ACER1: variants seen among roughly 807,000 people sequenced by gnomAD.
The protein encoded by ACER1 is CTB-180A7.3.
ACER1 carries 28 observed loss-of-function variants against 24.9 expected under a neutral mutation model. The ratio of observed to expected loss-of-function variants is 1.13; its 90% CI spans 0.83 to 1.54. ACER1 has a LOEUF of 1.54. Among genes scored for constraint, ACER1 ranks in the 40% most tolerant of loss-of-function variants. The probability of loss-of-function intolerance (pLI) is 0.00; values close to 1 mark genes in which losing one functional copy is unlikely to be tolerated. For missense variants in ACER1, 352 were observed against 349.3 expected, an observed-to-expected ratio of 1.01 and a Z score of -0.06; for synonymous variants, 132 against 131.4, an observed-to-expected ratio of 1.00 and a Z score of -0.03.
chr19:6,307,938 A>T lies in ACER1; in HGVS notation c.489-648T>A, dbSNP rs531342192. On this transcript the variant is annotated intron_variant, in intron 4 of 5. Transcript: ENST00000301452. ...TCTGACTCTACTAAAAATACAAAAA[A>T]AAAATTAGCCGGCCATGGTGGTGGC... Among the ~76,000 whole-genome samples the T allele has an allele frequency of 4.0e-5, 6 of 149,946 alleles. 1 individual carries two copies. The East Asian group carries it at 1.0e-3, about 25-fold the overall frequency.
intron 4 of ACER1, among the ~76,000 whole-genome samples, 169 bp downstream of exon 4, chr19:6,309,528 A>G (rs572042675): frequency 6.6e-6 from 1 of 152,164 alleles, no homozygotes; most frequent in East Asian, 1.9e-4. Flanking sequence ...TCTCAAGAAA[A>G]AAAATAATAA....
At chr19:6,341,267 G>A in the ACER1 span, among the ~76,000 whole-genome samples, 2 of 147,284 alleles carry the variant, frequency 1.4e-5, no homozygotes, top group Non-Finnish European at 3.0e-5. Flanking sequence ...CCAAGATTTC[G>A]CCACTGCAAA....
chr19:6,330,004 G>A (rs1479100175), intron 1 of ACER1, among the ~76,000 whole-genome samples: 3 of 151,052 alleles, frequency 2.0e-5, no homozygotes, highest in African/African-American at 2.4e-5. Context: ...CCGAGTAGCT[G>A]GGACCACAGG....
the ACER1 span, among the ~76,000 whole-genome samples, chr19:6,339,362 C>G: frequency 6.6e-6 from 1 of 151,908 alleles, no homozygotes; most frequent in Non-Finnish European, 1.5e-5. Context: ...ATAAGCCAGA[C>G]ATAAAAGGAC....
intron 1 of ACER1, among the ~76,000 whole-genome samples, chr19:6,329,034 G>C (rs1254689380): frequency 6.6e-6 from 1 of 151,912 alleles, no homozygotes; most frequent in East Asian, 1.9e-4. Context: ...TGTGGTTCCA[G>C]CTACTTTGAA....
the ACER1 span, among the ~76,000 whole-genome samples, chr19:6,357,217 T>A: frequency 1.3e-5 from 2 of 151,984 alleles, no homozygotes; most frequent in African/African-American, 4.8e-5. Context: ...TGGCTAATTT[T>A]TGTATTTTTA....
chr19:6,320,070 T>C (rs1281048790), intron 1 of ACER1, among the ~76,000 whole-genome samples: 1 of 135,000 alleles, frequency 7.4e-6, no homozygotes, highest in Non-Finnish European at 1.5e-5. Context: ...ACCATTGCAC[T>C]CCAACCCCTG....
At chr19:6,358,704 C>G in the ACER1 span, among the ~76,000 whole-genome samples, 5 of 151,168 alleles carry the variant, frequency 3.3e-5, no homozygotes, top group East Asian at 9.7e-4. Flanking sequence ...GAGGCTGAGG[C>G]GGGTGGATCA....
chr19:6,324,057 T>A (rs1374765096), intron 1 of ACER1, among the ~76,000 whole-genome samples: 1 of 152,140 alleles, frequency 6.6e-6, no homozygotes, highest in Non-Finnish European at 1.5e-5. Context: ...TTTATTTTTA[T>A]TTTTTGAGAC....
chr19:6,339,866 C>T, the ACER1 span, among the ~76,000 whole-genome samples: 2 of 151,940 alleles, frequency 1.3e-5, no homozygotes, highest in African/African-American at 2.4e-5. Context: ...GGGGTTTCAC[C>T]GTGTTAGCCA....
chr19:6,310,118 C>T (rs1006273045), intron 3 of ACER1, among the ~76,000 whole-genome samples: 5 of 151,672 alleles, frequency 3.3e-5, no homozygotes, highest in Middle Eastern at 3.4e-3. Context: ...GACGGAGTCT[C>T]GCTCTGTCGC....
At chr19:6,335,053 T>C (rs1282073010), upstream of ACER1, among the ~76,000 whole-genome samples, 1 of 146,864 alleles carries the variant, frequency 6.8e-6, no homozygotes. Context: ...CAATATTATA[T>C]TAAAATATAA....
intron 1 of ACER1, among the ~76,000 whole-genome samples, chr19:6,332,318 T>C (rs2091691774): frequency 1.4e-5 from 2 of 142,846 alleles, no homozygotes; most frequent in Admixed American, 7.3e-5. Context: ...TCACCCAGGC[T>C]GGAGTGCAGT....
intron 1 of ACER1, among the ~76,000 whole-genome samples, chr19:6,315,473 G>A (rs1158302441): frequency 2.0e-5 from 3 of 151,904 alleles, no homozygotes; most frequent in Non-Finnish European, 2.9e-5. Context: ...TCCGCCTCCC[G>A]GGTTCATGCC....
chr19:6,352,136 C>T, the ACER1 span, among the ~76,000 whole-genome samples: 1 of 152,100 alleles, frequency 6.6e-6, no homozygotes, highest in Non-Finnish European at 1.5e-5. Context: ...GCTAACGTGG[C>T]CATGAGAGAC....
the ACER1 span, among the ~76,000 whole-genome samples, chr19:6,340,876 T>C: frequency 6.6e-6 from 1 of 152,098 alleles, no homozygotes; most frequent in Non-Finnish European, 1.5e-5. Context: ...TTGTAACAAA[T>C]GCCACCAATG....
rs771783022 is a variant in ACER1 at position 6,312,235 on chromosome 19, G to C, written c.264C>G (p.Asp88Glu). Residue 88 changes from aspartate (D) to glutamate (E), a missense_variant, in exon 3 of 6, where the codon GAC becomes GAG. Transcript: ENST00000301452. ...CCAGGAGCCACAGGATGGCGATCTC[G>C]TCCAGCAGCTGGCCCAGGAAGCTGA... ...MTLSFLGQLL[D>E]EIAILWLLGS... The C allele has an allele frequency of 1.5e-5, 24 of 1,613,952 alleles. No homozygotes were observed. Among genetic ancestry groups the C allele is most frequent in the Non-Finnish European group, 1.9e-5 (23 of 1,179,968 alleles).
At position 6,306,684 on chromosome 19, in the gene ACER1, G is replaced by A. The variant is rs772191090; in HGVS notation, c.*30C>T. 6.3e-7 allele frequency: 1 copy of A among 1,577,442 alleles called. No individual in the cohort carries two copies. Among genetic ancestry groups the A allele is most frequent in the South Asian group, 1.2e-5 (1 of 85,808 alleles). On this transcript the variant is annotated 3_prime_UTR_variant, in exon 6 of 6. Transcript: ENST00000301452. ...TCTCAAGACACAGGCAAGTTGTTGG[G>A]TGGTTGGATAGTCAAGAGGCTGGCA...
the ACER1 span, among the ~76,000 whole-genome samples, chr19:6,354,050 T>C: frequency 6.6e-6 from 1 of 151,012 alleles, no homozygotes; most frequent in African/African-American, 2.4e-5. Context: ...GGCATGGTGG[T>C]TCATGCCTGT....
Sources: allele counts gnomAD v4.1 joint callset (sites outside exome capture counted in the v4.1 genomes callset), GRCh38; gene constraint gnomAD v4.1.1; transcripts MANE v1.5; gene names NCBI Gene and HGNC (gene_info 2026-07-23, HGNC 2026-07-21).